CADPS2: variants seen among roughly 807,000 people sequenced by gnomAD.
CADPS2 encodes calcium dependent secretion activator 2.
CADPS2 carries 93 observed loss-of-function variants against 172.5 expected under a neutral mutation model. The ratio of observed to expected loss-of-function variants is 0.54; its 90% CI spans 0.46 to 0.64. The LOEUF (loss-of-function observed/expected upper bound fraction) is 0.64. Among genes scored for constraint, CADPS2 ranks in the 30% least tolerant of loss-of-function variants. CADPS2 has a pLI of 0.00. For missense variants in CADPS2, 1,420 were observed against 1,565.9 expected (o/e 0.91, Z 1.57); for synonymous variants, 546 against 555.2 (o/e 0.98, Z 0.23).
At chr7:122,508,449 G>GT (rs1205155217) in intron 9 of CADPS2, among the ~76,000 whole-genome samples, 8,115 of 68,358 alleles carry the variant, frequency 0.12, 2,103 homozygotes, top group Non-Finnish European at 0.17. Flanking sequence ...ATTCATTTAA[G>GT]TTTTTTTTTT....
intron 9 of CADPS2, among the ~76,000 whole-genome samples, chr7:122,498,728 T>C (rs1245401031): frequency 6.6e-6 from 1 of 152,212 alleles, no homozygotes; most frequent in Admixed American, 6.5e-5. Flanking sequence ...GCTGGTTCAC[T>C]TTGCATACTG....
intron 14 of CADPS2, among the ~76,000 whole-genome samples, chr7:122,456,503 A>G (rs1045424853): frequency 6.6e-6 from 1 of 152,202 alleles, no homozygotes; most frequent in Admixed American, 6.5e-5. Flanking sequence ...AAAAATTATA[A>G]AACAGATTAA....
chr7:122,791,990 G>T (rs1038434274), intron 1 of CADPS2, among the ~76,000 whole-genome samples: 2 of 152,156 alleles, frequency 1.3e-5, no homozygotes, highest in East Asian at 1.9e-4. Flanking sequence ...GTAGACAACA[G>T]ATCAATTCCC....
chr7:122,830,127 C>G lies in CADPS2; in HGVS notation c.339+55872G>C, dbSNP rs1806102305. On this transcript the variant is annotated intron_variant, in intron 1 of 29. Transcript: ENST00000449022. Reference sequence around the variant, plus strand: ...TTGCCCAAGGTGACACGGCAAGTAACAGGCAGAACCGCTATTCAAACCCAG... The same window carrying G: ...TTGCCCAAGGTGACACGGCAAGTAAGAGGCAGAACCGCTATTCAAACCCAG... Among the ~76,000 whole-genome samples the G allele has an allele frequency of 3.3e-5, 5 of 152,024 alleles. No individual in the cohort carries two copies. The South Asian group carries it at 1.0e-3, about 32-fold the overall frequency.
At chr7:122,558,453 TCTC>T (rs1161680490) in intron 7 of CADPS2, among the ~76,000 whole-genome samples, 1 of 152,170 alleles carries the variant, frequency 6.6e-6, no homozygotes, top group Non-Finnish European at 1.5e-5. Context: ...TTCTGCTTCT[TCTC>T]ATTTATTTTT....
At chr7:122,487,545 C>A (rs2057942942) in intron 11 of CADPS2, among the ~76,000 whole-genome samples, 1 of 151,968 alleles carries the variant, frequency 6.6e-6, no homozygotes, top group South Asian at 2.1e-4. Flanking sequence ...ATGAAAATAG[C>A]ATTTCTCTAT....
At chr7:122,561,019 G>A (rs2065685730) in intron 7 of CADPS2, among the ~76,000 whole-genome samples, 1 of 152,044 alleles carries the variant, frequency 6.6e-6, no homozygotes, top group South Asian at 2.1e-4. Flanking sequence ...AGTTTCTCGT[G>A]TTTTAATACA....
chr7:122,523,045 CT>C, intron 8 of CADPS2, among the ~76,000 whole-genome samples: 1 of 152,228 alleles, frequency 6.6e-6, no homozygotes, highest in Non-Finnish European at 1.5e-5. Flanking sequence ...GTACAGGTAT[CT>C]CTTTGATTCA....
At chr7:122,330,987 G>C (rs1273400059) in intron 28 of CADPS2, 1 of 152,108 alleles carries the variant, frequency 6.6e-6, no homozygotes, top group Non-Finnish European at 1.5e-5. Flanking sequence ...AATACTGTGA[G>C]TTTAAATTTG....
chr7:122,599,791 T>C (rs1035365111), intron 6 of CADPS2, among the ~76,000 whole-genome samples: 2 of 152,108 alleles, frequency 1.3e-5, no homozygotes, highest in African/African-American at 2.4e-5. Flanking sequence ...ATATGAAATA[T>C]ACATACATAT....
At chr7:122,357,474 T>C (rs2039557785) in intron 27 of CADPS2, 1 of 152,174 alleles carries the variant, frequency 6.6e-6, no homozygotes, top group Non-Finnish European at 1.5e-5. Flanking sequence ...ATCCTGGGAT[T>C]CTATGATCAC....
chr7:122,498,307 T>A (rs571001949), intron 9 of CADPS2, among the ~76,000 whole-genome samples: 3 of 152,328 alleles, frequency 2.0e-5, no homozygotes, highest in African/African-American at 7.2e-5. Flanking sequence ...CATTTTGCAC[T>A]TTCATCATGA....
chr7:122,801,532 T>C (rs1407032564), intron 1 of CADPS2, among the ~76,000 whole-genome samples: 1 of 152,178 alleles, frequency 6.6e-6, no homozygotes, highest in African/African-American at 2.4e-5. Flanking sequence ...AATCACCACA[T>C]GTAATAGTGA....
chr7:122,490,272 C>T lies in CADPS2; in HGVS notation c.1661G>A (p.Gly554Asp). 1.9e-6 allele frequency: 3 copies of T among 1,612,676 alleles called. No homozygotes were observed. The highest frequency in any genetic ancestry group is 1.7e-6 in the Non-Finnish European group (2 of 1,179,300). The change falls in exon 11 of 30, where the codon GGT (glycine) becomes GAT (aspartate). Residue 554 changes from glycine to aspartate, a missense_variant. Physicochemically the swap from Gly to Asp is moderately conservative, Grantham distance 94. Coordinates refer to ENST00000449022, the MANE Select transcript of CADPS2 (RefSeq NM_017954.11). ...DYTDPHPGLQ[G>D]GCMFFNAVKE... ...AACAGCATTAAAGAACATACAACCA[C>T]CCTGAAGGCCTGTGGAGGAAACAAA...
intron 1 of CADPS2, among the ~76,000 whole-genome samples, chr7:122,821,919 T>C (rs1353688229): frequency 6.6e-6 from 1 of 152,094 alleles, no homozygotes; most frequent in Non-Finnish European, 1.5e-5. Flanking sequence ...AGATGCTCCT[T>C]TTTATTAGGC....
chr7:122,688,019 C>T (rs889429634), intron 2 of CADPS2, among the ~76,000 whole-genome samples: 44 of 152,218 alleles, frequency 2.9e-4, no homozygotes, highest in African/African-American at 8.9e-4. Context: ...CTGTACTCTT[C>T]TACTTCAAAC....
At chr7:122,645,290 CATAT>C (rs1482325598) in intron 3 of CADPS2, among the ~76,000 whole-genome samples, 1 of 137,466 alleles carries the variant, frequency 7.3e-6, no homozygotes, top group African/African-American at 2.7e-5. Flanking sequence ...CACATATGTA[CATAT>C]ATACACATAT....
At chr7:122,325,432 C>A in intron 29 of CADPS2, 45 bp downstream of exon 29, 1 of 1,256,544 alleles carries the variant, frequency 8.0e-7, no homozygotes, top group South Asian at 1.3e-5. Flanking sequence ...GCCATTATTC[C>A]TTATAGCTTA....
chr7:122,595,610 G>A (rs1282046076), intron 6 of CADPS2, among the ~76,000 whole-genome samples: 4 of 152,060 alleles, frequency 2.6e-5, no homozygotes, highest in African/African-American at 7.2e-5. Context: ...TTTACAGGGG[G>A]AATGCCAGGA....
Sources: gnomAD v4.1 joint callset for allele counts (sites outside exome capture counted in the v4.1 genomes callset) on GRCh38, gnomAD v4.1.1 for gene constraint, MANE v1.5 for transcripts, NCBI Gene and HGNC (gene_info 2026-07-23, HGNC 2026-07-21) for gene names.